The following NFU1 variants were observed in gnomAD, a reference collection of about 807,000 sequenced individuals.
NFU1 encodes NFU1 iron-sulfur cluster scaffold homolog, mitochondrial.
In NFU1, 30 loss-of-function variants were observed where a neutral mutation model predicts 32.2. That is an observed-to-expected ratio of 0.93 (90% confidence interval 0.70 to 1.26). The LOEUF is 1.26. Ranked by LOEUF, NFU1 falls within the 50% of genes most tolerant of loss-of-function variation. NFU1 has a pLI of 0.00. For synonymous variants in NFU1, 112 were observed against 104.6 expected (o/e 1.07, Z -0.43); for missense variants, 306 against 306.6 (o/e 1.00, Z 0.02).
chr2:69,416,627 G>A (rs1024541606), intron 4 of NFU1, among the ~76,000 whole-genome samples: 2 of 152,122 alleles, frequency 1.3e-5, no homozygotes, highest in African/African-American at 2.4e-5. Context: ...GCTGGGCATG[G>A]TGGCTCATGC....
intron 5 of NFU1, among the ~76,000 whole-genome samples, chr2:69,407,885 C>T (rs769848928): frequency 2.6e-5 from 4 of 151,188 alleles, no homozygotes; most frequent in Non-Finnish European, 4.4e-5. Flanking sequence ...TGGTGGCACA[C>T]GCCTGTAATC....
At chr2:69,420,046 C>G (rs372634904) in intron 3 of NFU1, among the ~76,000 whole-genome samples, 7 of 152,060 alleles carry the variant, frequency 4.6e-5, no homozygotes, top group Admixed American at 4.6e-4. Flanking sequence ...CCCTCTGTCC[C>G]CCAGGCTGGA....
chr2:69,431,793 G>T (rs1352682184), intron 2 of NFU1, 109 bp downstream of exon 2: 2 of 749,166 alleles, frequency 2.7e-6, no homozygotes, highest in Non-Finnish European at 2.4e-6. Context: ...CTATCTATAG[G>T]CTTCTAAATA....
chr2:69,406,022 C>T lies in NFU1; in HGVS notation c.545G>A (p.Arg182Gln), dbSNP rs1281276965. Reference protein sequence around the residue: ...MIKELLDTRIRPTVQEDGGDV... With the variant: ...MIKELLDTRIQPTVQEDGGDV... ...TTCAGGTAGAGAGAGGAGCACGTAC[C>T]GTATTCTAGTATCTAACAATTCCTT... Residue 182 changes from arginine (R) to glutamine (Q), a missense_variant and splice_region_variant, in exon 6 of 8, where the codon CGG becomes CAG. By Grantham distance (43) the Arg-to-Gln change is conservative. Transcript: ENST00000410022. The T allele has an allele frequency of 3.8e-6, 6 of 1,586,754 alleles. No individual in the cohort carries two copies. Among genetic ancestry groups the T allele is most frequent in the East Asian group, 2.2e-5 (1 of 44,638 alleles).
intron 7 of NFU1, among the ~76,000 whole-genome samples, chr2:69,397,204 A>C (rs1157206677): frequency 1.3e-5 from 2 of 152,200 alleles, no homozygotes; most frequent in Admixed American, 1.3e-4. Flanking sequence ...TTATTTTAAA[A>C]ACATTTATTT....
At chr2:69,439,498 A>C (rs1012496495), upstream of NFU1, among the ~76,000 whole-genome samples, 1 of 152,222 alleles carries the variant, frequency 6.6e-6, no homozygotes, top group Non-Finnish European at 1.5e-5. Context: ...AGTGAGCCAC[A>C]TCAAGATTTA....
chr2:69,423,669 A>T lies in NFU1; in HGVS notation c.215T>A (p.Leu72Ter), dbSNP rs1420368973. 7 of 1,610,690 alleles carry T rather than the reference A, an allele frequency of 4.3e-6. No individual in the cohort carries two copies. Among genetic ancestry groups the T allele is most frequent in the African/African-American group, 1.3e-5 (1 of 74,856 alleles). Residue 72 changes from leucine to a stop codon, truncating the protein, a stop_gained, in exon 3 of 8, where the codon TTA becomes TAA. Coordinates refer to ENST00000410022, the MANE Select transcript of NFU1 (RefSeq NM_001002755.4). LOFTEE classifies it high-confidence loss of function. Reference sequence around the variant, plus strand: ...AACTGGTTTTCCTGGTATAAACTTTAAGCTGTTTGGATTTGGGGTATCTTG... The same window carrying T: ...AACTGGTTTTCCTGGTATAAACTTTTAGCTGTTTGGATTTGGGGTATCTTG... ...QTQDTPNPNS[L>*]KFIPGKPVLE...
Position 69,419,561 on chromosome 2 carries a change from G to T in NFU1, c.346C>A (p.Pro116Thr). The change falls in exon 4 of 8, where the codon CCA (proline) becomes ACA (threonine). Residue 116 changes from proline (P) to threonine (T), a missense_variant. Transcript: ENST00000410022. ...IEGVKSVFFG[P>T]DFITVTKENE... ...ACCTTTGTGACAGTGATGAAATCTG[G>T]TCCAAAGAAGACACTTTTTACTCCT... The T allele has an allele frequency of 1.3e-6, 2 of 1,590,810 alleles. No individual in the cohort carries two copies. The highest frequency in any genetic ancestry group is 1.7e-6 in the Non-Finnish European group (2 of 1,160,178).
intron 5 of NFU1, among the ~76,000 whole-genome samples, chr2:69,406,895 C>T (rs1672711362): frequency 2.6e-5 from 4 of 152,106 alleles, no homozygotes; most frequent in African/African-American, 9.7e-5. Flanking sequence ...GGTAGTTACC[C>T]TCATGCTGTT....
rs528545446 is a variant in NFU1, at chr2:69,433,520, C to G, written c.63-1515G>C. Reference sequence around the variant, plus strand: ...AGACTGAGTCTCACTTTGTCGCCCACGCTGGAGTGCAGTGATGCGATCCCA... The same window carrying G: ...AGACTGAGTCTCACTTTGTCGCCCAGGCTGGAGTGCAGTGATGCGATCCCA... On this transcript the variant is annotated intron_variant, in intron 1 of 7. Transcript: ENST00000410022. Among the ~76,000 whole-genome samples, 12 of 151,552 alleles carry G rather than the reference C, an allele frequency of 7.9e-5. No individual in the cohort carries two copies. In the South Asian group the frequency reaches 1.2e-3, roughly 16 times the overall value.
intron 7 of NFU1, among the ~76,000 whole-genome samples, chr2:69,397,786 C>T (rs147225502): frequency 1.2e-3 from 180 of 151,500 alleles, no homozygotes; most frequent in African/African-American, 4.0e-3. Context: ...TGGTGGCGCG[C>T]GCCTGTAATC....
At chr2:69,397,638 C>T (rs567291977) in intron 7 of NFU1, among the ~76,000 whole-genome samples, 1 of 151,532 alleles carries the variant, frequency 6.6e-6, no homozygotes, top group East Asian at 1.9e-4. Flanking sequence ...CTAGGCCAGG[C>T]ACAGTGGCTC....
intron 3 of NFU1, among the ~76,000 whole-genome samples, chr2:69,421,624 G>A (rs1040060118): frequency 1.6e-5 from 2 of 128,576 alleles, no homozygotes; most frequent in African/African-American, 6.1e-5. Context: ...CTGGAATGCA[G>A]TGGCGCTATC....
chr2:69,403,614 G>A (rs1024255643), intron 6 of NFU1, among the ~76,000 whole-genome samples: 4 of 152,004 alleles, frequency 2.6e-5, no homozygotes, highest in East Asian at 1.9e-4. Flanking sequence ...TAACTTCTGA[G>A]CTCAAGCAAT....
At chr2:69,399,326 T>C (rs750513264) in intron 7 of NFU1, 1 of 453,690 alleles carries the variant, frequency 2.2e-6, no homozygotes, top group Non-Finnish European at 4.4e-6. Context: ...GCTTTTTGGT[T>C]GAGAATCACT....
At chr2:69,424,184 AAAAAAAAAAAAAAAAT>A (rs1673368382) in intron 2 of NFU1, among the ~76,000 whole-genome samples, 1 of 136,864 alleles carries the variant, frequency 7.3e-6, no homozygotes, top group South Asian at 2.3e-4. Flanking sequence ...AAAAAAAAAA[AAAAAAAAAAAAAAAAT>A]ATATATATAT....
chr2:69,433,833 G>A (rs971107047), intron 1 of NFU1, among the ~76,000 whole-genome samples: 1 of 152,018 alleles, frequency 6.6e-6, no homozygotes, highest in African/African-American at 2.4e-5. Flanking sequence ...GAGTACAATG[G>A]TGTGATCAGG....
chr2:69,410,070 C>T (rs1226835150), intron 5 of NFU1, among the ~76,000 whole-genome samples: 1 of 152,034 alleles, frequency 6.6e-6, no homozygotes, highest in Non-Finnish European at 1.5e-5. Flanking sequence ...ATACCCAACA[C>T]CCCAAATTAG....
Position 69,396,215 on chromosome 2 carries a change from A to G in NFU1, c.*31T>C. On this transcript the variant is annotated 3_prime_UTR_variant, in exon 8 of 8. Coordinates refer to ENST00000410022, the MANE Select transcript of NFU1 (RefSeq NM_001002755.4). ...TTGATATATATTATCAACAAGTCTGACTGTTATGCCCAAAGAAAATCCAGA... is the reference window on the plus strand; with the variant it reads ...TTGATATATATTATCAACAAGTCTGGCTGTTATGCCCAAAGAAAATCCAGA... The G allele has an allele frequency of 6.4e-7, 1 of 1,572,490 alleles. No homozygotes were observed. Among genetic ancestry groups the G allele is most frequent in the East Asian group, 2.2e-5 (1 of 44,558 alleles).
Sources: allele counts gnomAD v4.1 joint callset (sites outside exome capture counted in the v4.1 genomes callset), GRCh38; gene constraint gnomAD v4.1.1; transcripts MANE v1.5; gene names NCBI Gene and HGNC (gene_info 2026-07-23, HGNC 2026-07-21).